The following CCDC39 variants were observed in gnomAD, a reference collection of about 807,000 sequenced individuals.
CCDC39 encodes coiled-coil domain-containing protein 39.
In CCDC39, 113 loss-of-function variants were observed where a neutral mutation model predicts 121.0. The observed-to-expected ratio is 0.93, with a 90% confidence interval of 0.80 to 1.09. The LOEUF is 1.09. CCDC39 is among the 50% of genes least tolerant of loss of function. CCDC39 has a pLI of 0.00. For missense variants in CCDC39, 1,063 were observed against 1,074.7 expected, an observed-to-expected ratio of 0.99 and a Z score of 0.15; for synonymous variants, 349 against 352.2, an observed-to-expected ratio of 0.99 and a Z score of 0.10.
At chr3:180,666,098 T>C (rs1711866827) in intron 1 of CCDC39, among the ~76,000 whole-genome samples, 1 of 152,116 alleles carries the variant, frequency 6.6e-6, no homozygotes, top group Admixed American at 6.6e-5. Flanking sequence ...CCTGAACCTC[T>C]ATACAGATAA....
At chr3:180,626,528 TG>T (rs1004032209) in intron 14 of CCDC39, among the ~76,000 whole-genome samples, 1 of 152,036 alleles carries the variant, frequency 6.6e-6, no homozygotes, top group African/African-American at 2.4e-5. Flanking sequence ...GCAGCCATAG[TG>T]GGACAGCAGG....
chr3:180,658,370 TG>T (rs1711640589), intron 6 of CCDC39, among the ~76,000 whole-genome samples: 1 of 150,268 alleles, frequency 6.7e-6, no homozygotes, highest in Non-Finnish European at 1.5e-5. Context: ...CTGAGGCAGG[TG>T]GATCACGAGG....
intron 15 of CCDC39, 45 bp downstream of exon 15, chr3:180,619,766 C>G (rs375292349): frequency 4.1e-5 from 47 of 1,133,816 alleles, no homozygotes; most frequent in Non-Finnish European, 5.6e-5. Context: ...TAACTATACA[C>G]TCGTCACTGT....
chr3:180,670,910 C>T (rs1712026008), intron 1 of CCDC39, among the ~76,000 whole-genome samples: 1 of 152,042 alleles, frequency 6.6e-6, no homozygotes, highest in Admixed American at 6.6e-5. Context: ...TGGCAACACC[C>T]AGAAGTGATC....
rs1326601041 is a variant in CCDC39, at chr3:180,677,166, TTTTATATA to T, written c.90+2117_90+2124del. Reference sequence around the variant, plus strand: ...ATTATAATAATAATAATAATAATAATTTTATATATATATATATATATATATATATATAT... The same window carrying T: ...ATTATAATAATAATAATAATAATAATTATATATATATATATATATATATAT... On this transcript the variant is annotated intron_variant, in intron 1 of 19. Coordinates refer to ENST00000476379, the MANE Select transcript of CCDC39 (RefSeq NM_181426.2). Among the ~76,000 whole-genome samples the T allele has an allele frequency of 2.6e-3, 105 of 40,912 alleles. 3 individuals carry two copies. Among genetic ancestry groups the T allele is most frequent in the African/African-American group, 9.9e-3 (86 of 8,668 alleles). 26.8% of individuals were successfully genotyped at this position (40,912 alleles called of 152,430 possible).
At chr3:180,663,788 T>A in intron 2 of CCDC39, 79 bp downstream of exon 2, 1 of 1,364,274 alleles carries the variant, frequency 7.3e-7, no homozygotes, top group East Asian at 2.3e-5. Context: ...ATTATAGCTG[T>A]AAAAATCGCA....
rs765966793 is a variant in CCDC39 at position 180,644,266 on chromosome 3, AAG to A, written c.1528-11_1528-10del. The A allele has an allele frequency of 3.0e-5, 45 of 1,486,528 alleles. No homozygotes were observed. In the South Asian group the frequency reaches 5.9e-4, roughly 19 times the overall value. 92.1% of individuals were successfully genotyped at this position (1,486,528 alleles called of 1,614,324 possible). A position where few individuals can be genotyped will look rare whatever the true frequency, so the allele number is the denominator to read the frequency against. ...ATAAAATAAAGATCATTCTGCAAAAAAGAAAAAAGGTATATAAATGTATGTTT... is the reference window on the plus strand; with the variant it reads ...ATAAAATAAAGATCATTCTGCAAAAAAAAAAAGGTATATAAATGTATGTTT... On this transcript the variant is annotated splice_polypyrimidine_tract_variant and intron_variant, in intron 11 of 19. Coordinates refer to ENST00000476379, the MANE Select transcript of CCDC39 (RefSeq NM_181426.2).
At chr3:180,636,608 A>C (rs938663056) in intron 13 of CCDC39, among the ~76,000 whole-genome samples, 2 of 152,226 alleles carry the variant, frequency 1.3e-5, no homozygotes, top group Non-Finnish European at 2.9e-5. Flanking sequence ...GGAACCAAAA[A>C]AGAGTCTGAA....
intron 14 of CCDC39, 59 bp downstream of exon 14, chr3:180,631,410 A>G (rs964538095): frequency 1.4e-6 from 2 of 1,428,408 alleles, no homozygotes; most frequent in East Asian, 2.3e-5. Flanking sequence ...GAGGATTATG[A>G]TGAATGAGTT....
At position 180,621,392 on chromosome 3, in the gene CCDC39, C is replaced by T. The variant is rs150746639; in HGVS notation, c.1999-1422G>A. The stretch of plus-strand genomic sequence containing the variant: ...TACATTCCCACCAACAGTGTATAAC[C>T]ATTCATTTTTCTCCATATCCACACC... On this transcript the variant is annotated intron_variant, in intron 14 of 19. Coordinates refer to ENST00000476379, the MANE Select transcript of CCDC39 (RefSeq NM_181426.2). 5.7e-3 allele frequency among the ~76,000 whole-genome samples: 868 copies of T among 152,116 alleles called. 5 individuals are homozygous for T. The highest frequency in any genetic ancestry group is 8.9e-3 in the Non-Finnish European group (608 of 67,942).
At chr3:180,672,439 C>T (rs1712075744) in intron 1 of CCDC39, among the ~76,000 whole-genome samples, 1 of 152,074 alleles carries the variant, frequency 6.6e-6, no homozygotes, top group Non-Finnish European at 1.5e-5. Context: ...ACTAAAAATA[C>T]AAAAATTAAC....
At chr3:180,635,165 A>G (rs1431944967) in intron 13 of CCDC39, among the ~76,000 whole-genome samples, 3 of 152,094 alleles carry the variant, frequency 2.0e-5, no homozygotes, top group Non-Finnish European at 4.4e-5. Context: ...ATCAGATCTC[A>G]TGAGAACTCA....
At position 180,647,173 on chromosome 3, in the gene CCDC39, T is replaced by G. The variant is rs115545935; in HGVS notation, c.1433A>C (p.Gln478Pro). The change falls in exon 11 of 20, where the codon CAA (glutamine) becomes CCA (proline). Residue 478 changes from glutamine (Q) to proline (P), a missense_variant. Gln to Pro is a moderately conservative substitution (Grantham distance 76). Coordinates refer to ENST00000476379, the MANE Select transcript of CCDC39 (RefSeq NM_181426.2). The part of the protein sequence containing the change: ...LKGEINSEEK[Q>P]ALEAKIVELR... ...TTCAACAATTTTTGCTTCAAGCGCT[T>G]GTTTTTCTTCTGAATTAATTTCTCC... is the stretch of plus-strand genomic sequence containing the variant. 6.2e-7 allele frequency: 1 copy of G among 1,612,192 alleles called. No homozygotes were observed. The highest frequency in any genetic ancestry group is 1.1e-5 in the South Asian group (1 of 90,686).
intron 13 of CCDC39, among the ~76,000 whole-genome samples, chr3:180,634,028 T>C (rs1249848790): frequency 6.6e-6 from 1 of 152,110 alleles, no homozygotes; most frequent in Non-Finnish European, 1.5e-5. Flanking sequence ...CTGAGGACTA[T>C]GCCTGAGCTT....
Position 180,642,057 on chromosome 3 carries a change from T to G in CCDC39, c.1810A>C (p.Lys604Gln). ...TAMEERTEEI[K>Q]VHKTMLASQI... ...GACGCAAGCATTGTTTTATGAACCT[T>G]GATTTCTTCAGTTCGCTCTTCCATT... The change falls in exon 13 of 20, where the codon AAG (lysine) becomes CAG (glutamine). Residue 604 changes from lysine to glutamine, a missense_variant. Physicochemically the swap from Lys to Gln is moderately conservative, Grantham distance 53. Coordinates refer to ENST00000476379, the MANE Select transcript of CCDC39 (RefSeq NM_181426.2). The G allele has an allele frequency of 6.2e-7, 1 of 1,611,592 alleles. No individual in the cohort carries two copies. The highest frequency in any genetic ancestry group is 8.5e-7 in the Non-Finnish European group (1 of 1,178,604).
intron 10 of CCDC39, 32 bp downstream of exon 10, chr3:180,648,133 A>G (rs377116670): frequency 6.5e-7 from 1 of 1,527,044 alleles, no homozygotes; most frequent in Non-Finnish European, 9.0e-7. Flanking sequence ...TAATAAATCA[A>G]TATGGAAGAT....
At position 180,616,382 on chromosome 3, in the gene CCDC39, G is replaced by A; in HGVS notation, c.2587-19C>T. 1 of 1,596,586 alleles carries A rather than the reference G, an allele frequency of 6.3e-7. No homozygotes were observed. ...ACCCACTCTGGAGGAATATTCAATAGCAATCATTAGTACTACCTACTGTTT... is the reference window on the plus strand; with the variant it reads ...ACCCACTCTGGAGGAATATTCAATAACAATCATTAGTACTACCTACTGTTT... On this transcript the variant is annotated intron_variant, in intron 18 of 19. Coordinates refer to ENST00000476379, the MANE Select transcript of CCDC39 (RefSeq NM_181426.2).
chr3:180,677,214 A>ATT (rs1443897486), intron 1 of CCDC39, among the ~76,000 whole-genome samples: 3 of 118,458 alleles, frequency 2.5e-5, no homozygotes, highest in African/African-American at 6.2e-5. Flanking sequence ...ATATATATAT[A>ATT]TAAAATCACA....
At chr3:180,642,432 C>A (rs1396749863) in intron 12 of CCDC39, among the ~76,000 whole-genome samples, 1 of 150,932 alleles carries the variant, frequency 6.6e-6, no homozygotes, top group East Asian at 1.9e-4. Flanking sequence ...TCAAGCTTTG[C>A]TATTATAAAA....
Sources: allele counts gnomAD v4.1 joint callset (sites outside exome capture counted in the v4.1 genomes callset), GRCh38; gene constraint gnomAD v4.1.1; transcripts MANE v1.5; gene names NCBI Gene and HGNC (gene_info 2026-07-23, HGNC 2026-07-21).